The following SPRED2 variants were observed in gnomAD, a reference collection of about 807,000 sequenced individuals.
SPRED2 encodes sprouty related EVH1 domain containing 2, also known as sprouty-related, EVH1 domain-containing protein 2.
In SPRED2, 47 loss-of-function variants were observed where a neutral mutation model predicts 43.0. The ratio of observed to expected loss-of-function variants is 1.09; its 90% CI spans 0.87 to 1.40. The LOEUF (loss-of-function observed/expected upper bound fraction) is 1.40, where lower values mean the gene tolerates loss of function less well. Among genes scored for constraint, SPRED2 ranks in the 40% most tolerant of loss-of-function variants. The pLI, the probability that SPRED2 is intolerant of heterozygous loss-of-function variation, is 0.00. For synonymous variants in SPRED2, 225 were observed against 225.7 expected (o/e 1.00, Z 0.03); for missense variants, 561 against 586.4 (o/e 0.96, Z 0.45).
At chr2:65,366,675 AT>A in intron 1 of SPRED2, 2 of 1,543,786 alleles carry the variant, frequency 1.3e-6, no homozygotes, top group Non-Finnish European at 1.7e-6. Context: ...TCCGATAAAA[AT>A]GGATCGTCTC....
In SPRED2 at chr2:65,311,952, C is replaced by T. The variant is rs1673080975; in HGVS notation, c.*1549G>A. 3.0e-6 allele frequency: 3 copies of T among 985,122 alleles called. No homozygotes were observed. Among genetic ancestry groups the T allele is most frequent in the Non-Finnish European group, 1.2e-6 (1 of 829,930 alleles). The allele number at this position is 985,122 out of a possible 1,614,324, so 61.0% of individuals were successfully genotyped here. Reference sequence around the variant, plus strand: ...TGGGGAAAGGGAGTGGGGAGCAGGCCATGTCTTCTGCTGGCCGCTACCACA... The same window carrying T: ...TGGGGAAAGGGAGTGGGGAGCAGGCTATGTCTTCTGCTGGCCGCTACCACA... On this transcript the variant is annotated 3_prime_UTR_variant, in exon 6 of 6. Coordinates refer to ENST00000356388, the MANE Select transcript of SPRED2 (RefSeq NM_181784.3).
rs1673061964 is a variant in SPRED2, at chr2:65,311,331, T to C, written c.*2170A>G. Reference sequence around the variant, plus strand: ...CGATGCCTTCACAAACCAAAAAGTATACGTGGAGTAAGATCTGCTAGCGTA... The same window carrying C: ...CGATGCCTTCACAAACCAAAAAGTACACGTGGAGTAAGATCTGCTAGCGTA... On this transcript the variant is annotated 3_prime_UTR_variant, in exon 6 of 6. Coordinates refer to ENST00000356388, the MANE Select transcript of SPRED2 (RefSeq NM_181784.3). 1 of 985,804 alleles carries C rather than the reference T, an allele frequency of 1.0e-6. No homozygotes were observed. The highest frequency in any genetic ancestry group is 1.2e-6 in the Non-Finnish European group (1 of 829,918). 61.1% of individuals were successfully genotyped at this position (985,804 alleles called of 1,614,324 possible).
intron 1 of SPRED2, among the ~76,000 whole-genome samples, chr2:65,355,119 C>T (rs535393610): frequency 1.3e-5 from 2 of 152,348 alleles, no homozygotes; most frequent in South Asian, 4.1e-4. Context: ...CTAATCCTTA[C>T]TAATAGCAGA....
In SPRED2 at chr2:65,405,366, C is replaced by G. The variant is rs139368290; in HGVS notation, c.26+26596G>C. On this transcript the variant is annotated intron_variant, in intron 1 of 5. Transcript: ENST00000356388. ...CCTTTTCAACCTTCCTTTTATCATT[C>G]AAATAGCAGTTAACAAGGACAAATT... 8.6e-3 allele frequency among the ~76,000 whole-genome samples: 1,315 copies of G among 152,330 alleles called. 9 individuals are homozygous for G. Among genetic ancestry groups the G allele is most frequent in the Non-Finnish European group, 0.012 (800 of 68,024 alleles).
chr2:65,429,709 G>A (rs1205843794), intron 1 of SPRED2, among the ~76,000 whole-genome samples: 1 of 152,146 alleles, frequency 6.6e-6, no homozygotes, highest in Non-Finnish European at 1.5e-5. Context: ...TTTAAGTTTT[G>A]AGCCAAGGTC....
At chr2:65,366,446 A>T in intron 1 of SPRED2, 4 of 801,176 alleles carry the variant, frequency 5.0e-6, no homozygotes, top group East Asian at 2.8e-5. Flanking sequence ...GTGGGCACAC[A>T]CAAATACAAA....
In SPRED2 at chr2:65,352,203, T is replaced by C. The variant is rs909457884; in HGVS notation, c.27-7307A>G. ...CAGTAGCCAATTCTGGCAAAGGCCA[T>C]CAGCTCTTCTCTCAAACATGGATGA... On this transcript the variant is annotated intron_variant, in intron 1 of 5. Coordinates refer to ENST00000356388, the MANE Select transcript of SPRED2 (RefSeq NM_181784.3). 8.5e-5 allele frequency among the ~76,000 whole-genome samples: 13 copies of C among 152,234 alleles called. 1 individual carries two copies. The highest frequency in any genetic ancestry group is 7.9e-4 in the Admixed American group (12 of 15,284).
intron 1 of SPRED2, among the ~76,000 whole-genome samples, chr2:65,401,926 AGCGCGC>A (rs143714447): frequency 9.8e-5 from 12 of 121,958 alleles, no homozygotes; most frequent in African/African-American, 4.7e-4. Flanking sequence ...TCAGAATATT[AGCGCGC>A]GCGCGCACAC....
intron 1 of SPRED2, among the ~76,000 whole-genome samples, chr2:65,409,820 GGTC>G (rs1676112310): frequency 6.6e-6 from 1 of 151,814 alleles, no homozygotes; most frequent in African/African-American, 2.4e-5. Flanking sequence ...CGGATCACGA[GGTC>G]AGGAGATCAA....
chr2:65,356,901 G>A (rs1484601139), intron 1 of SPRED2, among the ~76,000 whole-genome samples: 3 of 152,114 alleles, frequency 2.0e-5, no homozygotes, highest in Admixed American at 6.5e-5. Flanking sequence ...GGCTGAGGCA[G>A]GAGAATCGCT....
chr2:65,381,175 C>T (rs1432265134), intron 1 of SPRED2, among the ~76,000 whole-genome samples: 2 of 152,228 alleles, frequency 1.3e-5, no homozygotes. Context: ...CCCAGCAAAG[C>T]TCAGAGGCGC....
At position 65,405,633 on chromosome 2, in the gene SPRED2, G is replaced by A. The variant is rs1049847110; in HGVS notation, c.26+26329C>T. ...CCCCAGAAGATTAATCAGCACCATG[G>A]GGCTCCTGAGAACACAAAGGCTATT... is the stretch of plus-strand genomic sequence containing the variant. On this transcript the variant is annotated intron_variant, in intron 1 of 5. Coordinates refer to ENST00000356388, the MANE Select transcript of SPRED2 (RefSeq NM_181784.3). Among the ~76,000 whole-genome samples, 3 of 152,272 alleles carry A rather than the reference G, an allele frequency of 2.0e-5. No homozygotes were observed. The East Asian group carries it at 5.8e-4, about 29-fold the overall frequency.
chr2:65,311,230 A>C lies in SPRED2; in HGVS notation c.*2271T>G, dbSNP rs899167070. The C allele has an allele frequency of 1.0e-6, 1 of 985,726 alleles. No homozygotes were observed. Among genetic ancestry groups the C allele is most frequent in the Non-Finnish European group, 1.2e-6 (1 of 829,946 alleles). 61.1% of individuals were successfully genotyped at this position (985,726 alleles called of 1,614,324 possible). A position where few individuals can be genotyped will look rare whatever the true frequency, so the allele number is the denominator to read the frequency against. ...GCAAAGCTGACTGGGAAAATACTAC[A>C]CACTGTTCAGCTGCAGTGTGGCAAT... On this transcript the variant is annotated 3_prime_UTR_variant, in exon 6 of 6. Coordinates refer to ENST00000356388, the MANE Select transcript of SPRED2 (RefSeq NM_181784.3).
chr2:65,338,958 C>A (rs1161300604), intron 2 of SPRED2, among the ~76,000 whole-genome samples: 3 of 149,926 alleles, frequency 2.0e-5, no homozygotes, highest in East Asian at 2.0e-4. Context: ...CCGCCCCGTC[C>A]GGGAGGTGAG....
intron 3 of SPRED2, among the ~76,000 whole-genome samples, chr2:65,333,779 T>C (rs1336884571): frequency 6.6e-6 from 1 of 152,252 alleles, no homozygotes; most frequent in African/African-American, 2.4e-5. Flanking sequence ...TAATTTGTCT[T>C]TTAAGACTTG....
At chr2:65,352,906 G>A (rs564754639) in intron 1 of SPRED2, among the ~76,000 whole-genome samples, 9 of 152,230 alleles carry the variant, frequency 5.9e-5, no homozygotes, top group Non-Finnish European at 1.3e-4. Flanking sequence ...TTACAGGCGT[G>A]AGCCACCAGG....
chr2:65,313,039 G>T lies in SPRED2; in HGVS notation c.*462C>A. The T allele has an allele frequency of 1.0e-6, 1 of 987,106 alleles. No homozygotes were observed. 61.1% of individuals were successfully genotyped at this position (987,106 alleles called of 1,614,324 possible). ...ACATCCCATTTCCGCTGAACCAGAT[G>T]CTTGCTAGCGACAGGCAAGGTGAAC... On this transcript the variant is annotated 3_prime_UTR_variant, in exon 6 of 6. Coordinates refer to ENST00000356388, the MANE Select transcript of SPRED2 (RefSeq NM_181784.3).
chr2:65,430,991 G>C (rs1411834810), intron 1 of SPRED2, among the ~76,000 whole-genome samples: 1 of 151,998 alleles, frequency 6.6e-6, no homozygotes, highest in Non-Finnish European at 1.5e-5. Flanking sequence ...CGCCCCCGTC[G>C]CACCCGAGAC....
chr2:65,323,507 A>G (rs2104161250), intron 4 of SPRED2, among the ~76,000 whole-genome samples: 1 of 152,032 alleles, frequency 6.6e-6, no homozygotes, highest in African/African-American at 2.4e-5. Flanking sequence ...GAAAGTGGGC[A>G]CTGCCAACAT....
Sources: gnomAD v4.1 joint callset for allele counts (sites outside exome capture counted in the v4.1 genomes callset) on GRCh38, gnomAD v4.1.1 for gene constraint, MANE v1.5 for transcripts, NCBI Gene and HGNC (gene_info 2026-07-23, HGNC 2026-07-21) for gene names.